The following ADGRL3 variants were observed in gnomAD, a reference collection of about 807,000 sequenced individuals.
ADGRL3 encodes calcium-independent alpha-latrotoxin receptor 3.
In ADGRL3, 62 loss-of-function variants were observed where a neutral mutation model predicts 153.5. That is an observed-to-expected ratio of 0.40 (90% CI 0.33 to 0.50). The LOEUF (loss-of-function observed/expected upper bound fraction) is 0.50. ADGRL3 is among the 20% of genes least tolerant of loss of function. ADGRL3 has a pLI of 0.47. For synonymous variants in ADGRL3, 710 were observed against 672.5 expected (o/e 1.06, Z -0.86); for missense variants, 1,641 against 1,859.4 (o/e 0.88, Z 2.16).
chr4:61,305,537 C>T (rs993873330), intron 1 of ADGRL3, among the ~76,000 whole-genome samples: 1 of 152,102 alleles, frequency 6.6e-6, no homozygotes, highest in Non-Finnish European at 1.5e-5. Flanking sequence ...CTGGCTTTTA[C>T]TCAGCTTCAG....
chr4:61,918,298 G>A (rs188505503), intron 13 of ADGRL3, among the ~76,000 whole-genome samples: 3 of 152,286 alleles, frequency 2.0e-5, no homozygotes, highest in Non-Finnish European at 2.9e-5. Context: ...TTTGGGAGGG[G>A]CAGAAAGAGA....
chr4:61,922,130 G>A (rs1292662637), intron 13 of ADGRL3, among the ~76,000 whole-genome samples: 8 of 152,198 alleles, frequency 5.3e-5, no homozygotes, highest in South Asian at 2.1e-4. Context: ...CTTATTGTCC[G>A]GACTGAGTTT....
intron 9 of ADGRL3, among the ~76,000 whole-genome samples, chr4:61,881,698 T>G (rs2149486340): frequency 6.6e-6 from 1 of 152,346 alleles, no homozygotes; most frequent in Non-Finnish European, 1.5e-5. Flanking sequence ...TTCTTGAATT[T>G]GTTTTAACTT....
intron 4 of ADGRL3, among the ~76,000 whole-genome samples, chr4:61,575,128 C>G (rs944403739): frequency 3.3e-5 from 5 of 151,944 alleles, no homozygotes; most frequent in African/African-American, 1.2e-4. Context: ...CTCATTTACT[C>G]TTTTTTGGTT....
intron 6 of ADGRL3, 38 bp from the exon 7 acceptor site, chr4:61,730,584 T>C: frequency 2.0e-6 from 1 of 487,994 alleles, no homozygotes; most frequent in East Asian, 3.4e-5. Context: ...ATCTATTCTC[T>C]TTTCTCCTTT....
intron 5 of ADGRL3, among the ~76,000 whole-genome samples, chr4:61,614,069 G>A (rs1396842246): frequency 3.3e-5 from 5 of 151,862 alleles, no homozygotes; most frequent in African/African-American, 1.2e-4. Flanking sequence ...TTTTTACAAA[G>A]GAAATACAAT....
At chr4:61,311,786 C>G (rs1309355058) in intron 1 of ADGRL3, among the ~76,000 whole-genome samples, 2 of 152,118 alleles carry the variant, frequency 1.3e-5, no homozygotes, top group African/African-American at 4.8e-5. Flanking sequence ...AATTAAAATA[C>G]TCTGGATGAT....
chr4:61,394,577 TA>T (rs937987087), intron 2 of ADGRL3, among the ~76,000 whole-genome samples: 4 of 151,576 alleles, frequency 2.6e-5, no homozygotes, highest in South Asian at 2.1e-4. Flanking sequence ...CACTTAAATA[TA>T]AAAAAAAATT....
chr4:61,614,243 G>T (rs1392629151), intron 5 of ADGRL3, among the ~76,000 whole-genome samples: 9 of 152,114 alleles, frequency 5.9e-5, no homozygotes, highest in Admixed American at 5.2e-4. Flanking sequence ...ATAGCATTAT[G>T]CATGCTTACA....
intron 23 of ADGRL3, among the ~76,000 whole-genome samples, chr4:62,036,717 G>A (rs371944264): frequency 6.6e-6 from 1 of 151,952 alleles, no homozygotes; most frequent in Non-Finnish European, 1.5e-5. Context: ...GGGAAAAAAT[G>A]CACTAATGCG....
chr4:61,646,093 T>C (rs889946478), intron 5 of ADGRL3, among the ~76,000 whole-genome samples: 1 of 152,226 alleles, frequency 6.6e-6, no homozygotes, highest in Non-Finnish European at 1.5e-5. Context: ...CTGAGGCCTC[T>C]GCATTCTTTA....
At chr4:61,276,887 A>G (rs2093485409) in intron 1 of ADGRL3, among the ~76,000 whole-genome samples, 1 of 152,162 alleles carries the variant, frequency 6.6e-6, no homozygotes, top group South Asian at 2.1e-4. Flanking sequence ...ACATCATAAT[A>G]CCCAATATTA....
chr4:61,567,214 A>G (rs890605455), intron 4 of ADGRL3, among the ~76,000 whole-genome samples: 4 of 152,212 alleles, frequency 2.6e-5, no homozygotes, highest in African/African-American at 9.6e-5. Flanking sequence ...CAGTTAGCTC[A>G]CTGGTAGAGT....
At chr4:61,992,916 G>A (rs938224723) in intron 19 of ADGRL3, among the ~76,000 whole-genome samples, 4 of 151,982 alleles carry the variant, frequency 2.6e-5, no homozygotes, top group African/African-American at 9.7e-5. Context: ...AATTCCCTTA[G>A]TCCAAGACAA....
At chr4:61,784,856 A>C (rs2097259099) in intron 8 of ADGRL3, among the ~76,000 whole-genome samples, 1 of 152,166 alleles carries the variant, frequency 6.6e-6, no homozygotes, top group African/African-American at 2.4e-5. Context: ...GCCTGGGTTC[A>C]AAAATGGCTT....
intron 6 of ADGRL3, among the ~76,000 whole-genome samples, chr4:61,705,524 G>A (rs1405047788): frequency 6.7e-5 from 10 of 149,674 alleles, no homozygotes; most frequent in African/African-American, 2.4e-4. Flanking sequence ...TTGAGACAGA[G>A]TCTTGCTCTG....
chr4:61,552,333 T>G (rs2098744083), intron 4 of ADGRL3, among the ~76,000 whole-genome samples: 1 of 152,196 alleles, frequency 6.6e-6, no homozygotes. Flanking sequence ...TTAAAAATAT[T>G]TTTTCTTTAT....
intron 17 of ADGRL3, among the ~76,000 whole-genome samples, chr4:61,958,155 A>G (rs2098974486): frequency 6.6e-6 from 1 of 152,136 alleles, no homozygotes; most frequent in East Asian, 1.9e-4. Context: ...CTAGACTGTG[A>G]CTTCCTCCTA....
At chr4:61,646,602 C>T (rs2093998800) in intron 5 of ADGRL3, among the ~76,000 whole-genome samples, 3 of 151,844 alleles carry the variant, frequency 2.0e-5, no homozygotes, top group Middle Eastern at 3.4e-3. Context: ...GGTCAGGGGT[C>T]AGGGACCCAC....
Sources: gnomAD v4.1 joint callset for allele counts (sites outside exome capture counted in the v4.1 genomes callset) on GRCh38, gnomAD v4.1.1 for gene constraint, MANE v1.5 for transcripts, NCBI Gene and HGNC (gene_info 2026-07-23, HGNC 2026-07-21) for gene names.